DHX37: variants seen among roughly 807,000 people sequenced by gnomAD.
The protein encoded by DHX37 is probable ATP-dependent RNA helicase DHX37.
In DHX37, 52 loss-of-function variants were observed where a neutral mutation model predicts 134.3. The observed-to-expected ratio is 0.39, with a 90% CI of 0.31 to 0.49. The LOEUF (loss-of-function observed/expected upper bound fraction) is 0.49, where lower values mean the gene tolerates loss of function less well. Ranked by LOEUF, DHX37 falls within the 20% of genes least tolerant of loss-of-function variation. The pLI, the probability that DHX37 is intolerant of heterozygous loss-of-function variation, is 0.93. For missense variants in DHX37, 1,344 were observed against 1,580.8 expected (o/e 0.85, Z 2.54); for synonymous variants, 634 against 670.7 (o/e 0.95, Z 0.85).
intron 6 of DHX37, 121 bp from the exon 7 acceptor site, chr12:124,972,720 C>A: frequency 1.2e-6 from 1 of 853,018 alleles, no homozygotes; most frequent in Non-Finnish European, 1.9e-6. Flanking sequence ...CGCTGGCAAC[C>A]TGAAACAAGT....
chr12:124,971,255 G>C (rs765840877), intron 8 of DHX37, 47 bp downstream of exon 8: 49 of 1,589,248 alleles, frequency 3.1e-5, no homozygotes, highest in Non-Finnish European at 3.8e-5. Context: ...ACAGAGCTGG[G>C]GGGGGCCTAG....
chr12:124,956,900 G>A (rs1279903300), intron 17 of DHX37, 21 bp from the exon 18 acceptor site: 1 of 1,572,636 alleles, frequency 6.4e-7, no homozygotes, highest in Non-Finnish European at 8.7e-7. Flanking sequence ...AGGTGGTGGT[G>A]GCAGTGCTCT....
At chr12:124,968,484 G>C (rs376152074) in intron 10 of DHX37, 50 bp downstream of exon 10, 1 of 1,599,818 alleles carries the variant, frequency 6.3e-7, no homozygotes, top group African/African-American at 1.3e-5. Flanking sequence ...TGCTTTCAGC[G>C]AGGGTTTAGG....
At chr12:124,987,987 C>CTTTTTT (rs11349687) in intron 1 of DHX37, among the ~76,000 whole-genome samples, 12 of 79,692 alleles carry the variant, frequency 1.5e-4, no homozygotes, top group Non-Finnish European at 2.2e-4. Context: ...GTCTGTGGAA[C>CTTTTTT]TTTTTTTTTT....
rs71092252 is a variant in DHX37, at chr12:124,973,638, C to CTTTTTTTTTTTT, written c.981-1051_981-1040dup. 3.9e-5 allele frequency among the ~76,000 whole-genome samples: 4 copies of CTTTTTTTTTTTT among 102,874 alleles called. 2 individuals carry two copies. Among genetic ancestry groups the CTTTTTTTTTTTT allele is most frequent in the Non-Finnish European group, 7.4e-5 (4 of 53,758 alleles). The allele number at this position is 102,874 out of a possible 152,430, so 67.5% of individuals were successfully genotyped here. On this transcript the variant is annotated intron_variant, in intron 6 of 26. Transcript: ENST00000308736. ...TTATGTATATGCGCCCCCCCCAACG[C>CTTTTTTTTTTTT]TTTTTTTTTTTTTTTTTTTTGAGAT...
chr12:124,968,504 T>A (rs1954443059), intron 10 of DHX37, 30 bp downstream of exon 10: 2 of 1,608,304 alleles, frequency 1.2e-6, no homozygotes, highest in Non-Finnish European at 1.7e-6. Flanking sequence ...GAAGGGAGGC[T>A]TCTTTCCCCT....
At chr12:124,961,025 T>TTA (rs1276141696) in intron 15 of DHX37, among the ~76,000 whole-genome samples, 1 of 152,260 alleles carries the variant, frequency 6.6e-6, no homozygotes, top group Non-Finnish European at 1.5e-5. Context: ...ACTCTACACT[T>TTA]TAACTACAGT....
At chr12:124,972,060 C>T (rs181771451) in intron 7 of DHX37, among the ~76,000 whole-genome samples, 213 of 152,322 alleles carry the variant, frequency 1.4e-3, no homozygotes, top group Non-Finnish European at 2.4e-3. Flanking sequence ...TACCCCACTC[C>T]GAGTCTGGTG....
rs200430139 is a variant in DHX37 at position 124,971,259 on chromosome 12, G to C, written c.1191+43C>G. 173 of 1,592,566 alleles carry C rather than the reference G, an allele frequency of 1.1e-4. 1 individual carries two copies. In the African/African-American group the frequency reaches 1.2e-3, roughly 11 times the overall value. On this transcript the variant is annotated intron_variant, in intron 8 of 26. Transcript: ENST00000308736. The stretch of plus-strand genomic sequence containing the variant: ...CCAAGCCTCTGACAGAGCTGGGGGG[G>C]GCCTAGGGCTCGGGGCTCCCCAGCA...
intron 2 of DHX37, 47 bp downstream of exon 2, chr12:124,986,049 C>T: frequency 6.2e-7 from 1 of 1,605,374 alleles, no homozygotes; most frequent in South Asian, 1.1e-5. Flanking sequence ...CCCCATCTCT[C>T]TCTATGCTGG....
chr12:124,985,550 C>A (rs1187355869), intron 2 of DHX37, among the ~76,000 whole-genome samples: 1 of 137,146 alleles, frequency 7.3e-6, no homozygotes. Context: ...TCCTGGCTAA[C>A]ATGATGAAAC....
Position 124,975,513 on chromosome 12 carries a change from TG to T in DHX37, c.888-3del. The T allele has an allele frequency of 6.2e-7, 1 of 1,612,086 alleles. No individual in the cohort carries two copies. The highest frequency in any genetic ancestry group is 8.5e-7 in the Non-Finnish European group (1 of 1,179,938). On this transcript the variant is annotated splice_polypyrimidine_tract_variant and splice_region_variant and intron_variant, in intron 5 of 26. Transcript: ENST00000308736. The stretch of plus-strand genomic sequence containing the variant: ...GTGACACCGATGATGCTGTCTTCAC[TG>T]GGGGAGGAAGAACATGGCCATCAAC...
In DHX37 at chr12:124,986,113, T is replaced by C. The variant is rs1235387927; in HGVS notation, c.259A>G (p.Lys87Glu). The change falls in exon 2 of 27, where the codon AAG (lysine) becomes GAG (glutamate). Residue 87 changes from lysine to glutamate, a missense_variant. Transcript: ENST00000308736. ...GGGTGTACCTGGCTCTTTTTCTCCT[T>C]CTGTTCTAAGATTTTCTGCAGCACT... Reference protein sequence around the residue: ...KKVLQKILEQKEKKSQRAEML... With the variant: ...KKVLQKILEQEEKKSQRAEML... 4 of 1,614,070 alleles carry C rather than the reference T, an allele frequency of 2.5e-6. No individual in the cohort carries two copies. In the South Asian group the frequency reaches 3.3e-5, roughly 13 times the overall value.
chr12:124,961,886 C>T (rs1954273430), intron 15 of DHX37, among the ~76,000 whole-genome samples: 1 of 152,078 alleles, frequency 6.6e-6, no homozygotes, highest in Non-Finnish European at 1.5e-5. Context: ...ACCGAATCCA[C>T]AATATGATAC....
At position 124,983,738 on chromosome 12, in the gene DHX37, T is replaced by C. The variant is rs368880323; in HGVS notation, c.277-1115A>G. ...AGGCAGAGGTTGCAGTGAGCTGAGA[T>C]CATACCACTGCACTCCAGCCTGGGC... On this transcript the variant is annotated intron_variant, in intron 2 of 26. Coordinates refer to ENST00000308736, the MANE Select transcript of DHX37 (RefSeq NM_032656.4). Among the ~76,000 whole-genome samples the C allele has an allele frequency of 1.5e-4, 22 of 146,616 alleles. 3 individuals are homozygous for C. Among genetic ancestry groups the C allele is most frequent in the African/African-American group, 5.3e-4 (21 of 39,476 alleles).
chr12:124,950,994 G>C (rs555067060), intron 21 of DHX37, among the ~76,000 whole-genome samples, 190 bp from the exon 22 acceptor site: 3 of 152,362 alleles, frequency 2.0e-5, no homozygotes. Context: ...GGAAGTGCCG[G>C]GTGCAATGGC....
chr12:124,956,737 T>C lies in DHX37; in HGVS notation c.2407A>G (p.Ile803Val). 1 of 1,601,986 alleles carries C rather than the reference T, an allele frequency of 6.2e-7. No individual in the cohort carries two copies. Among genetic ancestry groups the C allele is most frequent in the Non-Finnish European group, 8.5e-7 (1 of 1,171,044 alleles). The change falls in exon 18 of 27, where the codon ATC (isoleucine) becomes GTC (valine). Residue 803 changes from isoleucine (I) to valine (V), a missense_variant. Physicochemically the swap from Ile to Val is conservative, Grantham distance 29. Coordinates refer to ENST00000308736, the MANE Select transcript of DHX37 (RefSeq NM_032656.4). The part of the protein sequence containing the change: ...QHGCLPYAIT[I>V]VASMTVRELF... ...TCCCGCACCGTCATGCTGGCCACGA[T>C]GGTGATGGCATAGGGCAGGCAGCCG...
At chr12:124,968,471 T>C in intron 10 of DHX37, 63 bp downstream of exon 10, 3 of 1,593,508 alleles carry the variant, frequency 1.9e-6, no homozygotes, top group Non-Finnish European at 2.6e-6. Flanking sequence ...CCTCCCACAC[T>C]CGTGCTTTCA....
chr12:124,969,009 C>T, intron 8 of DHX37, 41 bp from the exon 9 acceptor site: 1 of 1,592,186 alleles, frequency 6.3e-7, no homozygotes, highest in Non-Finnish European at 8.6e-7. Context: ...CCCAGGACCG[C>T]AGGTGGGTCT....
Sources: allele counts gnomAD v4.1 joint callset (sites outside exome capture counted in the v4.1 genomes callset), GRCh38; gene constraint gnomAD v4.1.1; transcripts MANE v1.5; gene names NCBI Gene and HGNC (gene_info 2026-07-23, HGNC 2026-07-21).